Variants in SOX10 observed in about 807,000 individuals in gnomAD.
SOX10 encodes transcription factor SOX-10.
A neutral mutation model predicts 35.0 loss-of-function variants in SOX10; 3 were observed. That is an observed-to-expected ratio of 0.09 (90% CI 0.04 to 0.22). The LOEUF (loss-of-function observed/expected upper bound fraction) is 0.22, where lower values mean the gene tolerates loss of function less well. Among genes scored for constraint, SOX10 ranks in the 10% least tolerant of loss-of-function variants. The pLI is 1.00. For missense variants in SOX10, 436 were observed against 655.1 expected (o/e 0.67, Z 3.65); for synonymous variants, 285 against 291.0 (o/e 0.98, Z 0.21).
chr22:37,981,733 T>TG (rs927711546), intron 2 of SOX10, among the ~76,000 whole-genome samples: 6 of 152,320 alleles, frequency 3.9e-5, no homozygotes, highest in African/African-American at 1.4e-4. Context: ...GATACTGGCC[T>TG]GGGCCAAGCC....
chr22:37,978,447 G>A lies in SOX10; in HGVS notation c.429-312C>T, dbSNP rs933492820. 1.3e-5 allele frequency among the ~76,000 whole-genome samples: 2 copies of A among 152,236 alleles called. No individual in the cohort carries two copies. Among genetic ancestry groups the A allele is most frequent in the African/African-American group, 4.8e-5 (2 of 41,464 alleles). On this transcript the variant is annotated intron_variant, in intron 2 of 3. Transcript: ENST00000396884. The surrounding 1 kb of genome is among the most constrained non-coding windows in gnomAD (Gnocchi z 5.0). ...GAAGTAGGAGTAGAGGTTTCAAGGG[G>A]CAGATGCCAGTTCAAGGAAAGGAAA... is the stretch of plus-strand genomic sequence containing the variant.
chr22:37,974,201 G>T lies in SOX10; in HGVS notation c.698-3C>A, dbSNP rs1569167970. ...GGTGGGTGGGCCATGGCTCTGGCCT[G>T]GGTAGAAGGGAGACAGAGAGAGAGA... On this transcript the variant is annotated splice_region_variant and splice_polypyrimidine_tract_variant and intron_variant, in intron 3 of 3. Coordinates refer to ENST00000396884, the MANE Select transcript of SOX10 (RefSeq NM_006941.4). This position sits in a 1 kb window ranked among gnomAD's most constrained non-coding sequence, Gnocchi z 5.4. 1.3e-6 allele frequency: 2 copies of T among 1,597,326 alleles called. No individual in the cohort carries two copies. Among genetic ancestry groups the T allele is most frequent in the Non-Finnish European group, 1.7e-6 (2 of 1,175,868 alleles).
At position 37,972,338 on chromosome 22, in the gene SOX10, T is replaced by C. The variant is rs1235695869; in HGVS notation, c.*1157A>G. 4 of 814,274 alleles carry C rather than the reference T, an allele frequency of 4.9e-6. No individual in the cohort carries two copies. Among genetic ancestry groups the C allele is most frequent in the Admixed American group, 4.7e-5 (2 of 42,696 alleles). The allele number at this position is 814,274 out of a possible 1,614,324, so 50.4% of individuals were successfully genotyped here. ...AACCGGAACCTTTAATTTTATTATG[T>C]GGAATGCTTAATGCAGAGTTAATAG... On this transcript the variant is annotated 3_prime_UTR_variant, in exon 4 of 4. Coordinates refer to ENST00000396884, the MANE Select transcript of SOX10 (RefSeq NM_006941.4).
At chr22:37,979,057 A>G (rs1401277814) in intron 2 of SOX10, among the ~76,000 whole-genome samples, 1 of 151,890 alleles carries the variant, frequency 6.6e-6, no homozygotes, top group Non-Finnish European at 1.5e-5. Flanking sequence ...GATTACAGGC[A>G]TGAGCCATTG....
Position 37,983,811 on chromosome 22 carries a change from C to T in SOX10, c.-27G>A, listed in dbSNP as rs528558121. 2.5e-4 allele frequency: 349 copies of T among 1,407,026 alleles called. 1 individual carries two copies. In the African/African-American group the frequency reaches 5.0e-3, roughly 20 times the overall value. 87.2% of individuals were successfully genotyped at this position (1,407,026 alleles called of 1,614,324 possible). A position where few individuals can be genotyped will look rare whatever the true frequency, so the allele number is the denominator to read the frequency against. ...TCGCCCCCGGCCGCCGCCGCCGCCGCCTCGGCCGCCTCCCCCGGGCCAGCC... is the reference window on the plus strand; with the variant it reads ...TCGCCCCCGGCCGCCGCCGCCGCCGTCTCGGCCGCCTCCCCCGGGCCAGCC... On this transcript the variant is annotated 5_prime_UTR_variant, in exon 2 of 4. Transcript: ENST00000396884. This position sits in a 1 kb window ranked among gnomAD's most constrained non-coding sequence, Gnocchi z 9.5.
chr22:37,981,943 G>A (rs893054034), intron 2 of SOX10, among the ~76,000 whole-genome samples: 6 of 152,240 alleles, frequency 3.9e-5, no homozygotes, highest in African/African-American at 1.4e-4. Flanking sequence ...GAACAGGCCA[G>A]GGGGCGGGAT....
At chr22:37,979,834 G>C (rs1250467248) in intron 2 of SOX10, among the ~76,000 whole-genome samples, 1 of 152,066 alleles carries the variant, frequency 6.6e-6, no homozygotes, top group Non-Finnish European at 1.5e-5. Context: ...CCTTGGTACT[G>C]AGAATCCATG....
At position 37,977,852 on chromosome 22, in the gene SOX10, G is replaced by C; in HGVS notation, c.697+15C>G. 6.2e-7 allele frequency: 1 copy of C among 1,602,254 alleles called. No individual in the cohort carries two copies. The highest frequency in any genetic ancestry group is 8.5e-7 in the Non-Finnish European group (1 of 1,172,504). The stretch of plus-strand genomic sequence containing the variant: ...CTGGCCTTGCCCCACCCTCAGCTCT[G>C]TCATCAGCACTCACCTGAGGGGTGC... On this transcript the variant is annotated intron_variant, in intron 3 of 3. Transcript: ENST00000396884.
Position 37,983,278 on chromosome 22 carries a change from A to G in SOX10, c.428+79T>C. Reference sequence around the variant, plus strand: ...GCCAGACAGTCCCGCTCTGAGGTGCAGGAGGCCGGGCCGCCTCGGCTACCC... The same window carrying G: ...GCCAGACAGTCCCGCTCTGAGGTGCGGGAGGCCGGGCCGCCTCGGCTACCC... On this transcript the variant is annotated intron_variant, in intron 2 of 3. Transcript: ENST00000396884. This position sits in a 1 kb window ranked among gnomAD's most constrained non-coding sequence, Gnocchi z 9.5. 6.8e-7 allele frequency: 1 copy of G among 1,479,166 alleles called. No individual in the cohort carries two copies. The highest frequency in any genetic ancestry group is 9.2e-7 in the Non-Finnish European group (1 of 1,089,916). 91.6% of individuals were successfully genotyped at this position (1,479,166 alleles called of 1,614,324 possible).
At chr22:37,979,345 G>A (rs1007785368) in intron 2 of SOX10, among the ~76,000 whole-genome samples, 2 of 152,102 alleles carry the variant, frequency 1.3e-5, no homozygotes, top group South Asian at 2.1e-4. Flanking sequence ...TGATCCACCC[G>A]CCTTGGCCTC....
Position 37,973,502 on chromosome 22 carries a change from C to A in SOX10, c.1394G>T (p.Arg465Leu), listed in dbSNP as rs778694073. 7.5e-6 allele frequency: 12 copies of A among 1,594,398 alleles called. No individual in the cohort carries two copies. Among genetic ancestry groups the A allele is most frequent in the South Asian group, 1.1e-5 (1 of 89,626 alleles). The change falls in exon 4 of 4, where the codon CGG (arginine) becomes CTG (leucine). Residue 465 changes from arginine to leucine, a missense_variant. Arg to Leu is a moderately radical substitution (Grantham distance 102). Transcript: ENST00000396884. The stretch of plus-strand genomic sequence containing the variant: ...GTGGCGACAGGGCCCCCTTTAGGGC[C>A]GGGACAGTGTCGTATATACTGGCTG... The part of the protein sequence containing the change: ...WEQPVYTTLS[R>L]P
rs749386806 is a variant in SOX10 at position 37,974,215 on chromosome 22, CAG to C, written c.698-19_698-18del. On this transcript the variant is annotated intron_variant, in intron 3 of 3. Transcript: ENST00000396884. The surrounding 1 kb of genome is among the most constrained non-coding windows in gnomAD (Gnocchi z 5.4). ...GGCTCTGGCCTGGGTAGAAGGGAGACAGAGAGAGAGAGCGCAAGGGGGAAGCA... is the reference window on the plus strand; with the variant it reads ...GGCTCTGGCCTGGGTAGAAGGGAGACAGAGAGAGAGCGCAAGGGGGAAGCA... 319 of 1,579,414 alleles carry C rather than the reference CAG, an allele frequency of 2.0e-4. No individual in the cohort carries two copies. Among genetic ancestry groups the C allele is most frequent in the Non-Finnish European group, 2.4e-4 (274 of 1,163,092 alleles).
At position 37,972,669 on chromosome 22, in the gene SOX10, G is replaced by A. The variant is rs1038718117; in HGVS notation, c.*826C>T. 6.0e-6 allele frequency: 1 copy of A among 166,342 alleles called. No individual in the cohort carries two copies. The highest frequency in any genetic ancestry group is 5.7e-5 in the Admixed American group (1 of 17,396). 10.3% of individuals were successfully genotyped at this position (166,342 alleles called of 1,614,324 possible). On this transcript the variant is annotated 3_prime_UTR_variant, in exon 4 of 4. Transcript: ENST00000396884. ...CAGGGAGTGGGGCTGACTGAGCAGG[G>A]GCCATAGAGCCTAGTAAGGGAAGAG...
chr22:37,983,255 C>G lies in SOX10; in HGVS notation c.428+102G>C. ...TCCAGCCCTATCCAAGGAGGACTGC[C>G]AGACAGTCCCGCTCTGAGGTGCAGG... On this transcript the variant is annotated intron_variant, in intron 2 of 3. Coordinates refer to ENST00000396884, the MANE Select transcript of SOX10 (RefSeq NM_006941.4). This position sits in a 1 kb window ranked among gnomAD's most constrained non-coding sequence, Gnocchi z 9.5. 1 of 1,352,736 alleles carries G rather than the reference C, an allele frequency of 7.4e-7. No homozygotes were observed. The highest frequency in any genetic ancestry group is 1.0e-6 in the Non-Finnish European group (1 of 978,404). The allele number at this position is 1,352,736 out of a possible 1,614,324, so 83.8% of individuals were successfully genotyped here.
chr22:37,978,815 C>T lies in SOX10; in HGVS notation c.429-680G>A, dbSNP rs1435757059. On this transcript the variant is annotated intron_variant, in intron 2 of 3. Coordinates refer to ENST00000396884, the MANE Select transcript of SOX10 (RefSeq NM_006941.4). This position sits in a 1 kb window ranked among gnomAD's most constrained non-coding sequence, Gnocchi z 5.0. ...TTTCTGTGAGGGAATCTCACTCTGT[C>T]ACCCATGCTAGAGCTCAGTGGTATG... 6.6e-6 allele frequency among the ~76,000 whole-genome samples: 1 copy of T among 152,032 alleles called. No individual in the cohort carries two copies. Among genetic ancestry groups the T allele is most frequent in the Non-Finnish European group, 1.5e-5 (1 of 68,016 alleles).
Position 37,983,905 on chromosome 22 carries a change from C to T in SOX10, c.-84-37G>A. The stretch of plus-strand genomic sequence containing the variant: ...GAGGGCGCGATGGAGCGGCCGCGCG[C>T]GCAGCCCCGAGGGCGGCCCGAGACA... On this transcript the variant is annotated intron_variant, in intron 1 of 3. Coordinates refer to ENST00000396884, the MANE Select transcript of SOX10 (RefSeq NM_006941.4). This position sits in a 1 kb window ranked among gnomAD's most constrained non-coding sequence, Gnocchi z 9.5. 2.3e-6 allele frequency: 2 copies of T among 866,384 alleles called. No homozygotes were observed. The highest frequency in any genetic ancestry group is 3.1e-6 in the Non-Finnish European group (2 of 647,254). 53.7% of individuals were successfully genotyped at this position (866,384 alleles called of 1,614,324 possible).
chr22:37,982,497 T>C (rs1004046538), intron 2 of SOX10, among the ~76,000 whole-genome samples: 4 of 152,154 alleles, frequency 2.6e-5, no homozygotes, highest in African/African-American at 9.7e-5. Context: ...GGGGATGTTT[T>C]TCCTAGAGGT....
Position 37,972,527 on chromosome 22 carries a change from A to G in SOX10, c.*968T>C, listed in dbSNP as rs771116241. On this transcript the variant is annotated 3_prime_UTR_variant, in exon 4 of 4. Transcript: ENST00000396884. ...GGCAAGGGGTAAGAGGCAAGGGCAG[A>G]ATGTACAGGTCAGGATTCTAGTGTC... The G allele has an allele frequency of 1.6e-5, 5 of 305,446 alleles. No homozygotes were observed. The highest frequency in any genetic ancestry group is 3.2e-5 in the Non-Finnish European group (5 of 156,282). The allele number at this position is 305,446 out of a possible 1,614,324, so 18.9% of individuals were successfully genotyped here.
Position 37,974,111 on chromosome 22 carries a change from G to A in SOX10, c.785C>T (p.Ser262Phe). The stretch of plus-strand genomic sequence containing the variant: ...GTGAGGCTTCCCGCCCTCCCCCATG[G>A]AGCGCCCGTCCCGCTTCGGGTCTGC... Reference protein sequence around the residue: ...GKADPKRDGRSMGEGGKPHID... With the variant: ...GKADPKRDGRFMGEGGKPHID... The change falls in exon 4 of 4, where the codon TCC becomes TTC. Residue 262 changes from serine (S) to phenylalanine (F), a missense_variant. By Grantham distance (155) the Ser-to-Phe change is radical. Transcript: ENST00000396884. The surrounding 1 kb of genome is among the most constrained non-coding windows in gnomAD (Gnocchi z 5.4). The A allele has an allele frequency of 6.2e-7, 1 of 1,613,436 alleles. No homozygotes were observed. Among genetic ancestry groups the A allele is most frequent in the Non-Finnish European group, 8.5e-7 (1 of 1,180,006 alleles).
Sources: allele counts gnomAD v4.1 joint callset (sites outside exome capture counted in the v4.1 genomes callset), GRCh38; gene constraint gnomAD v4.1.1; non-coding constraint Gnocchi (gnomAD v3.1); transcripts MANE v1.5; gene names NCBI Gene and HGNC (gene_info 2026-07-23, HGNC 2026-07-21).